Variants in IL31RA observed in about 807,000 individuals in gnomAD.
IL31RA encodes interleukin 31 receptor A.
IL31RA carries 66 observed loss-of-function variants against 83.7 expected under a neutral mutation model. The ratio of observed to expected loss-of-function variants is 0.79; its 90% confidence interval spans 0.65 to 0.97. IL31RA has a LOEUF of 0.97. IL31RA is among the 50% of genes least tolerant of loss of function. IL31RA has a pLI of 0.00. For synonymous variants in IL31RA, 325 were observed against 329.0 expected, an observed-to-expected ratio of 0.99 and a Z score of 0.13; for missense variants, 798 against 919.4, an observed-to-expected ratio of 0.87 and a Z score of 1.71.
At chr5:55,900,175 C>T (rs1490036895) in intron 8 of IL31RA, 43 bp downstream of exon 8, 1 of 1,408,368 alleles carries the variant, frequency 7.1e-7, no homozygotes, top group African/African-American at 1.4e-5. Flanking sequence ...CTGGTCCCAT[C>T]AATTGGCCAA....
chr5:55,846,580 C>T (rs1395741046), upstream of IL31RA, among the ~76,000 whole-genome samples: 1 of 152,122 alleles, frequency 6.6e-6, no homozygotes, highest in East Asian at 1.9e-4. Flanking sequence ...GGGCGGATCA[C>T]GAGGTCAGGA....
chr5:55,843,583 T>C, the IL31RA span, among the ~76,000 whole-genome samples: 1 of 152,214 alleles, frequency 6.6e-6, no homozygotes, highest in African/African-American at 2.4e-5. Context: ...TTCACTATCA[T>C]AGTGGATTCT....
Position 55,872,291 on chromosome 5 carries a change from T to C in IL31RA, c.294T>C (p.Asp98=), listed in dbSNP as rs770809177. 3 of 1,613,370 alleles carry C rather than the reference T, an allele frequency of 1.9e-6. No individual in the cohort carries two copies. The East Asian group carries it at 6.7e-5, about 36-fold the overall frequency. Residue 98 remains aspartate (D), a synonymous_variant, in exon 4 of 15, where the codon GAT becomes GAC. Coordinates refer to ENST00000652347, the MANE Select transcript of IL31RA (RefSeq NM_139017.7). ...KRTYAFGEKH[D]NCTTNSSTSE... ...AAAGCGCTTTTGGAGAAAAACATGA[T>C]AATTGTACAACCAATAGTTCTACAA...
chr5:55,850,759 C>G (rs571890187), upstream of IL31RA, among the ~76,000 whole-genome samples: 56 of 152,290 alleles, frequency 3.7e-4, no homozygotes, highest in African/African-American at 1.3e-3. Flanking sequence ...TTCATTATTC[C>G]TGGCAATTAT....
At position 55,922,734 on chromosome 5, in the gene IL31RA, A is replaced by G. The variant is rs1482002735; in HGVS notation, c.*5614A>G. The G allele has an allele frequency of 1.3e-5, 5 of 390,804 alleles. No homozygotes were observed. Among genetic ancestry groups the G allele is most frequent in the East Asian group, 4.4e-5 (1 of 22,558 alleles). 24.2% of individuals were successfully genotyped at this position (390,804 alleles called of 1,614,324 possible). On this transcript the variant is annotated 3_prime_UTR_variant, in exon 15 of 15. Transcript: ENST00000652347. ...CATAATACCATTTTCATGTAATGCTATACTTCTATACTATTTTCATGTAAT... is the reference window on the plus strand; with the variant it reads ...CATAATACCATTTTCATGTAATGCTGTACTTCTATACTATTTTCATGTAAT...
At chr5:55,901,579 CTATTGTCATTAT>C (rs1201196976) in intron 8 of IL31RA, among the ~76,000 whole-genome samples, 8 of 131,494 alleles carry the variant, frequency 6.1e-5, no homozygotes, top group Admixed American at 1.7e-4. Context: ...CTAATTATTA[CTATTGTCATTAT>C]TATTATTATT....
At chr5:55,895,587 AG>A (rs1748283361) in intron 6 of IL31RA, among the ~76,000 whole-genome samples, 1 of 152,254 alleles carries the variant, frequency 6.6e-6, no homozygotes, top group Non-Finnish European at 1.5e-5. Flanking sequence ...TATAGAAAAC[AG>A]CTATGAAAAA....
At chr5:55,884,818 A>G (rs1027596039) in intron 5 of IL31RA, among the ~76,000 whole-genome samples, 1 of 152,032 alleles carries the variant, frequency 6.6e-6, no homozygotes, top group African/African-American at 2.4e-5. Flanking sequence ...CTATCTTATC[A>G]TTTGTTGGTT....
chr5:55,900,197 T>C (rs1748729277), intron 8 of IL31RA, 65 bp downstream of exon 8: 2 of 1,138,376 alleles, frequency 1.8e-6, no homozygotes, highest in South Asian at 2.5e-5. Context: ...GAGCAGTCCC[T>C]GTGCTCTCAA....
At position 55,892,960 on chromosome 5, in the gene IL31RA, C is replaced by T. The variant is rs554446820; in HGVS notation, c.772+2825C>T. ...TAAAATGCACCCCCCAGCCAATCCTCATTTCTTGTTTTCAAATTTATAAAG... is the reference window on the plus strand; with the variant it reads ...TAAAATGCACCCCCCAGCCAATCCTTATTTCTTGTTTTCAAATTTATAAAG... On this transcript the variant is annotated intron_variant, in intron 6 of 14. Coordinates refer to ENST00000652347, the MANE Select transcript of IL31RA (RefSeq NM_139017.7). Among the ~76,000 whole-genome samples the T allele has an allele frequency of 7.2e-5, 11 of 152,314 alleles. 1 individual carries two copies. In the South Asian group the frequency reaches 2.3e-3, roughly 32 times the overall value.
intron 11 of IL31RA, among the ~76,000 whole-genome samples, 186 bp from the exon 12 acceptor site, chr5:55,910,346 T>C (rs1749425894): frequency 6.6e-6 from 1 of 152,240 alleles, no homozygotes; most frequent in Non-Finnish European, 1.5e-5. Flanking sequence ...AGAATTTTTA[T>C]AGTTCTAGTT....
chr5:55,897,823 A>T (rs1748512477), intron 7 of IL31RA, among the ~76,000 whole-genome samples: 1 of 152,216 alleles, frequency 6.6e-6, no homozygotes, highest in Admixed American at 6.5e-5. Flanking sequence ...GAGATGCCAG[A>T]ATTCCTTCGT....
At chr5:55,863,438 T>TA (rs1468459503) in intron 2 of IL31RA, among the ~76,000 whole-genome samples, 1 of 152,238 alleles carries the variant, frequency 6.6e-6, no homozygotes, top group East Asian at 1.9e-4. Flanking sequence ...GGGGCTCTGC[T>TA]ATCCTCACAC....
rs776790457 is a variant in IL31RA at position 55,916,902 on chromosome 5, C to A, written c.2077C>A (p.Pro693Thr). Residue 693 changes from proline to threonine, a missense_variant, in exon 15 of 15, where the codon CCT (proline) becomes ACT (threonine). By Grantham distance (38) the Pro-to-Thr change is conservative (BLOSUM62 -1). Coordinates refer to ENST00000652347, the MANE Select transcript of IL31RA (RefSeq NM_139017.7). ...AAGTTTTGAGGAGCTCCCAGTTTCA[C>A]CTGAGATTCCGCCCAGAAAATCCCA... ...GKSFEELPVS[P>T]EIPPRKSQYL... 8.1e-6 allele frequency: 13 copies of A among 1,614,068 alleles called. No homozygotes were observed. Among genetic ancestry groups the A allele is most frequent in the Non-Finnish European group, 1.0e-5 (12 of 1,179,944 alleles).
chr5:55,867,179 GCA>G (rs750077924), intron 2 of IL31RA, among the ~76,000 whole-genome samples: 11 of 63,866 alleles, frequency 1.7e-4, no homozygotes, highest in East Asian at 5.0e-4. Flanking sequence ...ATGTGTGTGT[GCA>G]TGTGTGTTTG....
In IL31RA at chr5:55,906,165, T is replaced by C; in HGVS notation, c.1129T>C (p.Trp377Arg). 1.2e-6 allele frequency: 2 copies of C among 1,614,152 alleles called. No individual in the cohort carries two copies. The highest frequency in any genetic ancestry group is 1.7e-6 in the Non-Finnish European group (2 of 1,180,016). ...CVAEDQLVVKWQSSALDVNTW... is the reference protein window; with the variant it reads ...CVAEDQLVVKRQSSALDVNTW... ...TGCTGAGGACCAGCTAGTGGTGAAGTGGCAAAGCTCTGCTCTAGACGTGAA... is the reference window on the plus strand; with the variant it reads ...TGCTGAGGACCAGCTAGTGGTGAAGCGGCAAAGCTCTGCTCTAGACGTGAA... Residue 377 changes from tryptophan (W) to arginine (R), a missense_variant, in exon 9 of 15, where the codon TGG (tryptophan) becomes CGG (arginine). Physicochemically the swap from Trp to Arg is moderately radical, Grantham distance 101 (BLOSUM62 -3). Coordinates refer to ENST00000652347, the MANE Select transcript of IL31RA (RefSeq NM_139017.7).
intron 11 of IL31RA, chr5:55,908,831 T>C (rs755643409): frequency 7.3e-7 from 1 of 1,378,820 alleles, no homozygotes; most frequent in Non-Finnish European, 9.3e-7. Flanking sequence ...CCTGACATCT[T>C]AAATACTGGG....
upstream of IL31RA, among the ~76,000 whole-genome samples, chr5:55,847,080 TA>T (rs1744942318): frequency 6.7e-6 from 1 of 150,188 alleles, no homozygotes; most frequent in South Asian, 2.1e-4. Context: ...CCATCTCTAC[TA>T]AAAATACAAA....
intron 1 of IL31RA, among the ~76,000 whole-genome samples, chr5:55,858,929 T>C (rs1418727139): frequency 6.6e-6 from 1 of 152,224 alleles, no homozygotes; most frequent in African/African-American, 2.4e-5. Flanking sequence ...ACCACCATTC[T>C]TGTGGCAGAT....
Sources: allele counts gnomAD v4.1 joint callset (sites outside exome capture counted in the v4.1 genomes callset), GRCh38; gene constraint gnomAD v4.1.1; transcripts MANE v1.5; gene names NCBI Gene and HGNC (gene_info 2026-07-23, HGNC 2026-07-21).